The following FMN2 variants were observed in gnomAD, a reference collection of about 807,000 sequenced individuals.
The protein encoded by FMN2 is formin-2.
A neutral mutation model predicts 142.3 loss-of-function variants in FMN2; 51 were observed. That is an observed-to-expected ratio of 0.36 (90% CI 0.29 to 0.45). The LOEUF (loss-of-function observed/expected upper bound fraction) is 0.45, where lower values mean the gene tolerates loss of function less well. Ranked by LOEUF, FMN2 falls within the 20% of genes least tolerant of loss-of-function variation. FMN2 has a pLI of 1.00. For missense variants in FMN2, 1,936 were observed against 2,122.8 expected, an observed-to-expected ratio of 0.91 and a Z score of 1.73; for synonymous variants, 882 against 869.8, an observed-to-expected ratio of 1.01 and a Z score of -0.25.
At chr1:240,273,712 G>A (rs1445360590) in intron 7 of FMN2, among the ~76,000 whole-genome samples, 2 of 152,038 alleles carry the variant, frequency 1.3e-5, no homozygotes, top group Non-Finnish European at 1.5e-5. Context: ...TGGATAACTT[G>A]AGAATTTGCT....
chr1:240,361,184 TAA>T (rs1553368744), intron 14 of FMN2, among the ~76,000 whole-genome samples: 84 of 102,712 alleles, frequency 8.2e-4, no homozygotes, highest in African/African-American at 3.0e-3. Context: ...TATATATATA[TAA>T]AAGAGTTTAA....
chr1:240,288,958 A>T (rs1669685122), intron 7 of FMN2, among the ~76,000 whole-genome samples: 1 of 152,176 alleles, frequency 6.6e-6, no homozygotes, highest in South Asian at 2.1e-4. Flanking sequence ...TTGCAGTCTT[A>T]TGGGAGACCT....
chr1:240,340,746 CTGA>C (rs1671717575), intron 13 of FMN2, among the ~76,000 whole-genome samples: 1 of 152,140 alleles, frequency 6.6e-6, no homozygotes, highest in African/African-American at 2.4e-5. Context: ...TGTCTTATCT[CTGA>C]TGACTTGTAT....
chr1:240,189,845 A>G (rs1394585902), intron 4 of FMN2, among the ~76,000 whole-genome samples: 1 of 148,988 alleles, frequency 6.7e-6, no homozygotes, highest in African/African-American at 2.5e-5. Flanking sequence ...ATTAAGAAAG[A>G]TAGTACCCTC....
At chr1:240,355,950 G>GTAAAAAAA (rs1558449489) in intron 14 of FMN2, 42 bp downstream of exon 14, 1 of 85,582 alleles carries the variant, frequency 1.2e-5, no homozygotes, top group African/African-American at 1.8e-4. Context: ...TCCCCTTTCA[G>GTAAAAAAA]CAAAAAAAAA....
intron 15 of FMN2, among the ~76,000 whole-genome samples, chr1:240,418,904 C>T (rs1041710525): frequency 1.3e-5 from 2 of 151,938 alleles, no homozygotes; most frequent in African/African-American, 4.8e-5. Context: ...GTCAGGAGTT[C>T]GAGACCAGCC....
chr1:240,467,682 A>C (rs1046438190), intron 16 of FMN2, among the ~76,000 whole-genome samples: 1 of 152,220 alleles, frequency 6.6e-6, no homozygotes, highest in Non-Finnish European at 1.5e-5. Context: ...GGAATTACAC[A>C]TTCATTGATT....
intron 7 of FMN2, among the ~76,000 whole-genome samples, chr1:240,285,858 CTT>C (rs1238295197): frequency 6.6e-6 from 1 of 152,050 alleles, no homozygotes; most frequent in Non-Finnish European, 1.5e-5. Context: ...ATTGACGACA[CTT>C]TGTAGGAGTT....
chr1:240,301,047 A>G (rs1298211731), intron 8 of FMN2, among the ~76,000 whole-genome samples: 1 of 151,936 alleles, frequency 6.6e-6, no homozygotes, highest in African/African-American at 2.4e-5. Flanking sequence ...TAGATTGTCA[A>G]CATTTATTGT....
chr1:240,178,824 A>G (rs1296184588), intron 3 of FMN2, among the ~76,000 whole-genome samples: 1 of 152,250 alleles, frequency 6.6e-6, no homozygotes, highest in African/African-American at 2.4e-5. Context: ...AGTGAGGAGT[A>G]AATAGAAGAA....
chr1:240,156,414 C>T (rs948645905), intron 2 of FMN2, among the ~76,000 whole-genome samples: 2 of 152,182 alleles, frequency 1.3e-5, no homozygotes, highest in Non-Finnish European at 2.9e-5. Flanking sequence ...ATTGCCTTCT[C>T]TTAAGATGTC....
chr1:240,146,212 T>A, intron 2 of FMN2, among the ~76,000 whole-genome samples: 1 of 133,378 alleles, frequency 7.5e-6, no homozygotes, highest in Non-Finnish European at 1.6e-5. Flanking sequence ...AGAAACCCCG[T>A]CTCTACTAAA....
chr1:240,227,575 A>G (rs986507695), intron 6 of FMN2, among the ~76,000 whole-genome samples: 19 of 152,214 alleles, frequency 1.2e-4, no homozygotes, highest in Admixed American at 2.6e-4. Flanking sequence ...AATTAAGACA[A>G]TATAGTACTG....
intron 14 of FMN2, among the ~76,000 whole-genome samples, chr1:240,364,623 C>T (rs952272250): frequency 6.6e-6 from 1 of 152,140 alleles, no homozygotes; most frequent in African/African-American, 2.4e-5. Flanking sequence ...CATTCCACAA[C>T]CGTAGATGAG....
At chr1:240,289,398 T>C (rs1348743568) in intron 7 of FMN2, among the ~76,000 whole-genome samples, 1 of 152,176 alleles carries the variant, frequency 6.6e-6, no homozygotes, top group African/African-American at 2.4e-5. Context: ...TTGGGCACCG[T>C]GGCTCATGCC....
chr1:240,245,716 T>C (rs1668058667), intron 6 of FMN2, among the ~76,000 whole-genome samples: 1 of 152,190 alleles, frequency 6.6e-6, no homozygotes, highest in Admixed American at 6.5e-5. Flanking sequence ...ATCTTTCTCA[T>C]GGAGAAATCT....
chr1:240,149,019 C>A (rs1663649541), intron 2 of FMN2, among the ~76,000 whole-genome samples: 1 of 152,060 alleles, frequency 6.6e-6, no homozygotes, highest in Admixed American at 6.5e-5. Flanking sequence ...TAAATGTAAT[C>A]TTATTCAATA....
intron 6 of FMN2, among the ~76,000 whole-genome samples, chr1:240,248,564 G>T (rs1168457159): frequency 6.6e-6 from 1 of 151,528 alleles, no homozygotes; most frequent in African/African-American, 2.4e-5. Context: ...TGCAGTAAAC[G>T]TAGGGTGAAG....
At chr1:240,114,621 G>T (rs1661947903) in intron 1 of FMN2, among the ~76,000 whole-genome samples, 1 of 150,896 alleles carries the variant, frequency 6.6e-6, no homozygotes, top group Non-Finnish European at 1.5e-5. Context: ...TTTCATTAGG[G>T]ATTGCAAAAT....
Sources: allele counts gnomAD v4.1 joint callset (sites outside exome capture counted in the v4.1 genomes callset), GRCh38; gene constraint gnomAD v4.1.1; transcripts MANE v1.5; gene names NCBI Gene and HGNC (gene_info 2026-07-23, HGNC 2026-07-21).